ATP9B: variants seen among roughly 807,000 people sequenced by gnomAD.
ATP9B encodes the protein ATPase phospholipid transporting 9B.
In ATP9B, 110 loss-of-function variants were observed where a neutral mutation model predicts 146.1. That is an observed-to-expected ratio of 0.75 (90% CI 0.65 to 0.88). ATP9B has a LOEUF of 0.88. ATP9B is among the 40% of genes least tolerant of loss of function. ATP9B has a pLI of 0.00. For synonymous variants in ATP9B, 604 were observed against 569.7 expected (o/e 1.06, Z -0.86); for missense variants, 1,499 against 1,496.4 (o/e 1.00, Z -0.03).
intron 9 of ATP9B, among the ~76,000 whole-genome samples, chr18:79,195,099 G>T (rs2095406476): frequency 6.6e-6 from 1 of 152,140 alleles, no homozygotes; most frequent in East Asian, 1.9e-4. Flanking sequence ...AGAAGAGTCA[G>T]CCCACACCAT....
chr18:79,207,918 A>C (rs2095549329), intron 10 of ATP9B, among the ~76,000 whole-genome samples: 1 of 152,192 alleles, frequency 6.6e-6, no homozygotes, highest in South Asian at 2.1e-4. Context: ...TATCACCAAC[A>C]CGTACAGAGA....
At chr18:79,246,754 C>A (rs2095970177) in intron 11 of ATP9B, among the ~76,000 whole-genome samples, 1 of 152,180 alleles carries the variant, frequency 6.6e-6, no homozygotes, top group Admixed American at 6.5e-5. Context: ...CCCTCCCAGC[C>A]GCCTATGGGA....
rs116219808 is a variant in ATP9B at position 79,300,194 on chromosome 18, G to T, written c.1412-3410G>T. Reference sequence around the variant, plus strand: ...TTCAGGAGGGGGGCACTCCATGTCTGAAGTGGGGTTGAGAGGTTTGAGAGC... The same window carrying T: ...TTCAGGAGGGGGGCACTCCATGTCTTAAGTGGGGTTGAGAGGTTTGAGAGC... On this transcript the variant is annotated intron_variant, in intron 13 of 29. Transcript: ENST00000426216. Among the ~76,000 whole-genome samples the T allele has an allele frequency of 2.9e-3, 445 of 152,370 alleles. 2 individuals are homozygous for T. The highest frequency in any genetic ancestry group is 0.01 in the African/African-American group (417 of 41,596).
At chr18:79,097,497 T>A (rs1236253754) in intron 2 of ATP9B, among the ~76,000 whole-genome samples, 7 of 150,994 alleles carry the variant, frequency 4.6e-5, no homozygotes, top group African/African-American at 1.5e-4. Flanking sequence ...TTTATTTTTT[T>A]ATTTTTTATT....
At chr18:79,283,157 G>A (rs2096396967) in intron 13 of ATP9B, among the ~76,000 whole-genome samples, 1 of 152,106 alleles carries the variant, frequency 6.6e-6, no homozygotes, top group South Asian at 2.1e-4. Context: ...CTGCTCTTTT[G>A]CTCTGCCCTT....
At chr18:79,182,634 TG>T (rs1410616860) in intron 8 of ATP9B, among the ~76,000 whole-genome samples, 2 of 106,344 alleles carry the variant, frequency 1.9e-5, no homozygotes, top group African/African-American at 1.1e-4. Flanking sequence ...GTTGTTTTCA[TG>T]GGAGGACAAG....
chr18:79,118,390 G>GT (rs752788043), intron 4 of ATP9B, among the ~76,000 whole-genome samples: 1,878 of 93,320 alleles, frequency 0.02, 217 homozygotes, highest in Middle Eastern at 0.042. Context: ...GAACGTTTTT[G>GT]TTTTTTTTTT....
At chr18:79,213,832 C>A in intron 10 of ATP9B, 130 bp from the exon 11 acceptor site, 1 of 687,294 alleles carries the variant, frequency 1.5e-6, no homozygotes, top group Non-Finnish European at 2.3e-6. Flanking sequence ...AAATTAAATA[C>A]ACTGTTGGAT....
intron 11 of ATP9B, among the ~76,000 whole-genome samples, chr18:79,244,388 A>C (rs1377200703): frequency 6.6e-6 from 1 of 152,160 alleles, no homozygotes; most frequent in African/African-American, 2.4e-5. Flanking sequence ...TACTGGAATA[A>C]TTTCTTCAAT....
chr18:79,142,730 A>G (rs1599858315), intron 5 of ATP9B, among the ~76,000 whole-genome samples: 2 of 152,228 alleles, frequency 1.3e-5, no homozygotes, highest in South Asian at 4.1e-4. Flanking sequence ...ATTGGCTTGT[A>G]TAATTGAGGC....
chr18:79,291,798 A>C (rs2096505987), intron 13 of ATP9B, among the ~76,000 whole-genome samples: 1 of 152,234 alleles, frequency 6.6e-6, no homozygotes, highest in African/African-American at 2.4e-5. Flanking sequence ...TCAAATGGTC[A>C]ACTGTCAGGA....
At chr18:79,346,739 A>G (rs182247329) in intron 23 of ATP9B, among the ~76,000 whole-genome samples, 2 of 152,284 alleles carry the variant, frequency 1.3e-5, no homozygotes, top group Non-Finnish European at 1.5e-5. Flanking sequence ...TGGTCATTTT[A>G]CACTCAGCAC....
At chr18:79,141,791 G>A (rs879604624) in intron 5 of ATP9B, among the ~76,000 whole-genome samples, 2 of 152,146 alleles carry the variant, frequency 1.3e-5, no homozygotes, top group African/African-American at 4.8e-5. Flanking sequence ...TGTCAGCTCC[G>A]TCAACAAAGT....
At chr18:79,267,593 G>C in intron 12 of ATP9B, among the ~76,000 whole-genome samples, 1 of 151,928 alleles carries the variant, frequency 6.6e-6, no homozygotes, top group East Asian at 1.9e-4. Flanking sequence ...ATTTCGACGT[G>C]ATTTCATCTT....
At chr18:79,205,723 G>A (rs1181110845) in intron 9 of ATP9B, among the ~76,000 whole-genome samples, 1 of 151,982 alleles carries the variant, frequency 6.6e-6, no homozygotes, top group African/African-American at 2.4e-5. Flanking sequence ...CGAAATGTAG[G>A]CCATGACTTT....
At chr18:79,347,634 G>A (rs887389422) in intron 23 of ATP9B, 136 bp from the exon 24 acceptor site, 8 of 1,064,518 alleles carry the variant, frequency 7.5e-6, no homozygotes, top group African/African-American at 3.3e-5. Context: ...CCCCATCGAC[G>A]GAGCTGAAGC....
intron 12 of ATP9B, among the ~76,000 whole-genome samples, chr18:79,266,899 A>G (rs1401208940): frequency 6.6e-6 from 1 of 152,084 alleles, no homozygotes; most frequent in Non-Finnish European, 1.5e-5. Flanking sequence ...TGAAATTGAC[A>G]TGTAATTTTT....
chr18:79,227,403 A>G (rs1399993799), intron 11 of ATP9B, among the ~76,000 whole-genome samples: 1 of 12,124 alleles, frequency 8.2e-5, no homozygotes, highest in Non-Finnish European at 1.6e-4. Context: ...GGATGGGTGG[A>G]TGGATGGGTG....
At chr18:79,136,941 G>T (rs2094454491) in intron 5 of ATP9B, among the ~76,000 whole-genome samples, 1 of 152,076 alleles carries the variant, frequency 6.6e-6, no homozygotes, top group African/African-American at 2.4e-5. Flanking sequence ...CCATTAGAAC[G>T]CACTCACTAT....
Sources: gnomAD v4.1 joint callset for allele counts (sites outside exome capture counted in the v4.1 genomes callset) on GRCh38, gnomAD v4.1.1 for gene constraint, MANE v1.5 for transcripts, NCBI Gene and HGNC (gene_info 2026-07-23, HGNC 2026-07-21) for gene names.